PDE12: variants seen among roughly 807,000 people sequenced by gnomAD.
PDE12 encodes the protein phosphodiesterase 12.
In PDE12, 26 loss-of-function variants were observed where a neutral mutation model predicts 45.4. The ratio of observed to expected loss-of-function variants is 0.57; its 90% CI spans 0.42 to 0.79. The LOEUF (loss-of-function observed/expected upper bound fraction) is 0.79. Ranked by LOEUF, PDE12 falls within the 30% of genes least tolerant of loss-of-function variation. PDE12 has a pLI of 0.00. For synonymous variants in PDE12, 283 were observed against 323.9 expected (o/e 0.87, Z 1.36); for missense variants, 668 against 790.0 (o/e 0.85, Z 1.85).
chr3:57,637,493 A>G, the PDE12 span, among the ~76,000 whole-genome samples: 7 of 152,138 alleles, frequency 4.6e-5, no homozygotes, highest in African/African-American at 7.2e-5. Flanking sequence ...TTGGTTCTAA[A>G]GAAGATGTTT....
the PDE12 span, chr3:57,584,294 T>A: frequency 8.4e-7 from 1 of 1,192,978 alleles, no homozygotes; most frequent in African/African-American, 1.5e-5. Context: ...ATAATCAACA[T>A]GCTTAACAAA....
chr3:57,609,405 TACAG>T, the PDE12 span, among the ~76,000 whole-genome samples: 1 of 151,858 alleles, frequency 6.6e-6, no homozygotes, highest in East Asian at 1.9e-4. Flanking sequence ...CTGAAGGAGA[TACAG>T]ACACAAAAAA....
At chr3:57,637,805 CA>C in the PDE12 span, among the ~76,000 whole-genome samples, 59 of 58,196 alleles carry the variant, frequency 1.0e-3, no homozygotes, top group East Asian at 5.9e-3. Flanking sequence ...CAGAAGAAAA[CA>C]AAAAAAATAA....
At chr3:57,639,429 C>CAG in the PDE12 span, among the ~76,000 whole-genome samples, 3 of 152,174 alleles carry the variant, frequency 2.0e-5, no homozygotes, top group Non-Finnish European at 4.4e-5. Flanking sequence ...CTACATCTAG[C>CAG]AGAGAGACTT....
chr3:57,558,142 T>C (rs866955395), intron 1 of PDE12, among the ~76,000 whole-genome samples: 2 of 152,244 alleles, frequency 1.3e-5, no homozygotes, highest in Non-Finnish European at 2.9e-5. Context: ...TCCCATTTTA[T>C]AGATGTCATT....
chr3:57,622,607 T>C, the PDE12 span, among the ~76,000 whole-genome samples: 1 of 152,158 alleles, frequency 6.6e-6, no homozygotes, highest in Non-Finnish European at 1.5e-5. Context: ...AAAGGAAATA[T>C]ATATCCATCC....
At chr3:57,615,885 G>A in the PDE12 span, among the ~76,000 whole-genome samples, 10 of 152,082 alleles carry the variant, frequency 6.6e-5, no homozygotes, top group Non-Finnish European at 1.5e-5. Context: ...AAATGGATAA[G>A]CCTCTAATAT....
the PDE12 span, chr3:57,577,412 T>G: frequency 6.3e-6 from 10 of 1,590,348 alleles, no homozygotes; most frequent in South Asian, 1.1e-4. Context: ...TTTCAGTAAA[T>G]TTTAACAGTT....
the PDE12 span, among the ~76,000 whole-genome samples, chr3:57,574,407 A>AGT: frequency 1.2e-5 from 1 of 81,164 alleles, no homozygotes; most frequent in Non-Finnish European, 3.0e-5. Flanking sequence ...GAGAAGTACA[A>AGT]ATTTTTTTTT....
At chr3:57,600,763 C>T in the PDE12 span, 1 of 152,130 alleles carries the variant, frequency 6.6e-6, no homozygotes, top group East Asian at 1.9e-4. Flanking sequence ...GTGGCTCACA[C>T]CTGTAATCCC....
chr3:57,568,207 TA>T (rs2069803900), downstream of PDE12, among the ~76,000 whole-genome samples: 1 of 151,982 alleles, frequency 6.6e-6, no homozygotes, highest in Non-Finnish European at 1.5e-5. Context: ...CTCATACCTG[TA>T]ATCCCAGCAC....
the PDE12 span, among the ~76,000 whole-genome samples, chr3:57,637,904 G>C: frequency 2.0e-5 from 3 of 152,060 alleles, no homozygotes; most frequent in African/African-American, 7.2e-5. Flanking sequence ...GGGAGGCTGA[G>C]GTGAGTGGAT....
At chr3:57,617,263 G>T in the PDE12 span, among the ~76,000 whole-genome samples, 1 of 151,492 alleles carries the variant, frequency 6.6e-6, no homozygotes. Context: ...AAATTAGCCA[G>T]GTGTAGTGAC....
At chr3:57,643,017 A>G in the PDE12 span, among the ~76,000 whole-genome samples, 12 of 149,646 alleles carry the variant, frequency 8.0e-5, no homozygotes, top group African/African-American at 3.0e-4. Flanking sequence ...AAAAAAAAAA[A>G]AAAAAGAAAG....
chr3:57,633,026 A>C, the PDE12 span, among the ~76,000 whole-genome samples: 2 of 152,350 alleles, frequency 1.3e-5, no homozygotes, highest in African/African-American at 4.8e-5. Flanking sequence ...AAGTGGAATC[A>C]GCCATATTTC....
chr3:57,614,578 C>G, the PDE12 span, among the ~76,000 whole-genome samples: 2 of 124,788 alleles, frequency 1.6e-5, no homozygotes, highest in African/African-American at 3.2e-5. Flanking sequence ...GAGTCTTGCT[C>G]TGTTGCCCAG....
At chr3:57,607,921 A>C in the PDE12 span, among the ~76,000 whole-genome samples, 1 of 152,182 alleles carries the variant, frequency 6.6e-6, no homozygotes, top group Admixed American at 6.5e-5. Context: ...GAGCAACTCC[A>C]AGACACATAA....
chr3:57,587,032 G>A, the PDE12 span, among the ~76,000 whole-genome samples: 4 of 152,054 alleles, frequency 2.6e-5, no homozygotes, highest in South Asian at 2.1e-4. Flanking sequence ...TTAAAAACAA[G>A]GTAAGGCCTG....
chr3:57,582,750 A>AT, the PDE12 span, among the ~76,000 whole-genome samples: 1 of 61,824 alleles, frequency 1.6e-5, no homozygotes, highest in East Asian at 0.028. Flanking sequence ...CACTTAAAAA[A>AT]AATTATTAAG....
Sources: allele counts gnomAD v4.1 joint callset (sites outside exome capture counted in the v4.1 genomes callset), GRCh38; gene constraint gnomAD v4.1.1; transcripts MANE v1.5; gene names NCBI Gene and HGNC (gene_info 2026-07-23, HGNC 2026-07-21).